The following CSGALNACT1 variants were observed in gnomAD, a reference collection of about 807,000 sequenced individuals.
The protein encoded by CSGALNACT1 is chondroitin sulfate N-acetylgalactosaminyltransferase 1, also known as beta4GalNAcT-1.
CSGALNACT1 carries 52 observed loss-of-function variants against 51.0 expected under a neutral mutation model. That is an observed-to-expected ratio of 1.02 (90% CI 0.82 to 1.29). The LOEUF is 1.29. Ranked by LOEUF, CSGALNACT1 falls within the 50% of genes most tolerant of loss-of-function variation. The probability of loss-of-function intolerance (pLI) is 0.00; values close to 1 mark genes in which losing one functional copy is unlikely to be tolerated. For missense variants in CSGALNACT1, 935 were observed against 679.2 expected (o/e 1.38, Z -4.19); for synonymous variants, 341 against 254.4 (o/e 1.34, Z -3.24).
intron 3 of CSGALNACT1, among the ~76,000 whole-genome samples, chr8:19,567,562 G>T (rs967312502): frequency 6.6e-6 from 1 of 152,120 alleles, no homozygotes; most frequent in African/African-American, 2.4e-5. Flanking sequence ...CTTCTTTTGC[G>T]ATCTGGATTA....
intron 1 of CSGALNACT1, among the ~76,000 whole-genome samples, chr8:19,721,950 C>T (rs1375799324): frequency 6.6e-6 from 1 of 152,084 alleles, no homozygotes; most frequent in African/African-American, 2.4e-5. Flanking sequence ...TAAAATGTTG[C>T]TACAGTAAAA....
intron 1 of CSGALNACT1, among the ~76,000 whole-genome samples, chr8:19,671,161 G>A (rs1400653772): frequency 6.6e-6 from 1 of 152,142 alleles, no homozygotes; most frequent in African/African-American, 2.4e-5. Context: ...AAGAGCCAGG[G>A]TGGAATGGGG....
chr8:19,623,270 G>C (rs1281596105), intron 1 of CSGALNACT1, among the ~76,000 whole-genome samples: 1 of 152,046 alleles, frequency 6.6e-6, no homozygotes, highest in Non-Finnish European at 1.5e-5. Flanking sequence ...AGAAAAAAGT[G>C]GATGAATTAA....
exon 10 of CSGALNACT1, chr8:19,405,696 A>G (rs2053994278): frequency 6.4e-7 from 1 of 1,553,930 alleles, no homozygotes; most frequent in South Asian, 1.1e-5. Context: ...GTCGTCCTTT[A>G]TGGAAGTCTT....
chr8:19,441,711 T>C (rs1267714307), intron 5 of CSGALNACT1, among the ~76,000 whole-genome samples: 5 of 151,898 alleles, frequency 3.3e-5, no homozygotes, highest in Non-Finnish European at 5.9e-5. Context: ...AAGCCAAAAT[T>C]GACAAATGGG....
intron 5 of CSGALNACT1, among the ~76,000 whole-genome samples, chr8:19,449,394 T>C (rs919298772): frequency 6.6e-6 from 1 of 152,176 alleles, no homozygotes; most frequent in East Asian, 1.9e-4. Context: ...AACTAGACTA[T>C]GCAAAAGACA....
chr8:19,454,034 A>C (rs2063647488), intron 5 of CSGALNACT1, among the ~76,000 whole-genome samples: 2 of 152,234 alleles, frequency 1.3e-5, no homozygotes, highest in Admixed American at 1.3e-4. Context: ...TTCTGGCAAA[A>C]GCCGTTTACG....
intron 3 of CSGALNACT1, among the ~76,000 whole-genome samples, chr8:19,538,564 A>G (rs2084320926): frequency 6.6e-6 from 1 of 152,128 alleles, no homozygotes; most frequent in African/African-American, 2.4e-5. Flanking sequence ...GGTAATTTGC[A>G]TGGGGAAGTG....
chr8:19,678,312 A>G (rs113151999), intron 1 of CSGALNACT1, among the ~76,000 whole-genome samples: 17 of 152,314 alleles, frequency 1.1e-4, no homozygotes, highest in African/African-American at 4.1e-4. Flanking sequence ...TGTAATACTG[A>G]AACCTAACAA....
chr8:19,555,099 C>T (rs2089380202), intron 3 of CSGALNACT1, among the ~76,000 whole-genome samples: 1 of 151,152 alleles, frequency 6.6e-6, no homozygotes, highest in South Asian at 2.1e-4. Flanking sequence ...ATTAGCCGGG[C>T]GTGGTGCTGA....
At chr8:19,672,094 C>T (rs1276175791) in intron 1 of CSGALNACT1, among the ~76,000 whole-genome samples, 1 of 152,202 alleles carries the variant, frequency 6.6e-6, no homozygotes, top group African/African-American at 2.4e-5. Context: ...ACTTGAGCTG[C>T]ATAGGGCATC....
chr8:19,528,827 G>C (rs2082208155), intron 3 of CSGALNACT1, among the ~76,000 whole-genome samples: 1 of 152,142 alleles, frequency 6.6e-6, no homozygotes, highest in Non-Finnish European at 1.5e-5. Flanking sequence ...ACAGAACTCA[G>C]ATGTAGAAAA....
At chr8:19,723,170 C>A (rs539464126) in intron 1 of CSGALNACT1, among the ~76,000 whole-genome samples, 1 of 152,194 alleles carries the variant, frequency 6.6e-6, no homozygotes, top group Non-Finnish European at 1.5e-5. Flanking sequence ...AAAGACCCAA[C>A]GGATTGATAC....
At chr8:19,728,956 A>G (rs1206224066) in intron 1 of CSGALNACT1, among the ~76,000 whole-genome samples, 2 of 152,152 alleles carry the variant, frequency 1.3e-5, no homozygotes, top group Admixed American at 6.6e-5. Context: ...ATATGTTACT[A>G]AACAAGTTTA....
At chr8:19,674,426 CA>C (rs1013286900) in intron 1 of CSGALNACT1, among the ~76,000 whole-genome samples, 81 of 152,110 alleles carry the variant, frequency 5.3e-4, no homozygotes, top group African/African-American at 1.7e-3. Context: ...GATATGGTGG[CA>C]GGGGGGAAGA....
At chr8:19,697,080 G>A (rs920867935) in intron 1 of CSGALNACT1, among the ~76,000 whole-genome samples, 1 of 152,170 alleles carries the variant, frequency 6.6e-6, no homozygotes, top group Non-Finnish European at 1.5e-5. Context: ...ACAAGAACGG[G>A]AAGTGTGAGT....
chr8:19,743,124 T>C (rs2064419937), intron 1 of CSGALNACT1, among the ~76,000 whole-genome samples: 1 of 152,144 alleles, frequency 6.6e-6, no homozygotes, highest in East Asian at 1.9e-4. Context: ...AATGCATAAA[T>C]GGAAAGGAAC....
chr8:19,631,734 G>T (rs574897859), intron 1 of CSGALNACT1, among the ~76,000 whole-genome samples: 1 of 152,306 alleles, frequency 6.6e-6, no homozygotes, highest in African/African-American at 2.4e-5. Context: ...ATTGTATTCT[G>T]TTGACTAGGA....
chr8:19,646,682 T>C (rs1002255453), intron 1 of CSGALNACT1, among the ~76,000 whole-genome samples: 1 of 152,190 alleles, frequency 6.6e-6, no homozygotes, highest in Non-Finnish European at 1.5e-5. Context: ...GCACATGTTA[T>C]TAATACTTAA....
Sources: allele counts gnomAD v4.1 joint callset (sites outside exome capture counted in the v4.1 genomes callset), GRCh38; gene constraint gnomAD v4.1.1; transcripts MANE v1.5; gene names NCBI Gene and HGNC (gene_info 2026-07-23, HGNC 2026-07-21).